Variants in ACTR6 observed in about 807,000 individuals in gnomAD.
ACTR6 encodes the protein actin-related protein 6.
Under a neutral mutation model 52.5 loss-of-function variants are expected in ACTR6, and 50 were observed. The observed-to-expected ratio is 0.95, with a 90% confidence interval of 0.76 to 1.20. ACTR6 has a LOEUF of 1.20. ACTR6 is among the 50% of genes most tolerant of loss of function. The pLI, the probability that ACTR6 is intolerant of heterozygous loss-of-function variation, is 0.00. For missense variants in ACTR6, 344 were observed against 472.4 expected (o/e 0.73, Z 2.52); for synonymous variants, 135 against 147.2 (o/e 0.92, Z 0.60).
chr12:100,205,580 A>T (rs1323360737), intron 2 of ACTR6, 96 bp from the exon 3 acceptor site: 1 of 725,460 alleles, frequency 1.4e-6, no homozygotes, highest in Non-Finnish European at 2.1e-6. Flanking sequence ...AGTGATTTGG[A>T]ATCTGATTTT....
At chr12:100,214,043 G>T (rs2096122118) in intron 8 of ACTR6, among the ~76,000 whole-genome samples, 1 of 152,152 alleles carries the variant, frequency 6.6e-6, no homozygotes. Context: ...ATCAAGTAGA[G>T]CTTATATAAA....
At chr12:100,217,812 G>A (rs1034838368) in intron 8 of ACTR6, among the ~76,000 whole-genome samples, 2 of 152,092 alleles carry the variant, frequency 1.3e-5, no homozygotes, top group African/African-American at 4.8e-5. Flanking sequence ...AATCCTAATA[G>A]AATAGAGCCA....
At chr12:100,205,798 A>G in intron 3 of ACTR6, 54 bp downstream of exon 3, 1 of 1,023,004 alleles carries the variant, frequency 9.8e-7, no homozygotes, top group South Asian at 2.1e-5. Context: ...ATTGTAATGA[A>G]AAATTAGAAT....
At chr12:100,209,206 G>A (rs935381117) in intron 4 of ACTR6, among the ~76,000 whole-genome samples, 4 of 152,202 alleles carry the variant, frequency 2.6e-5, no homozygotes, top group Non-Finnish European at 5.9e-5. Flanking sequence ...CAGAATTTAA[G>A]TCCATATAAG....
chr12:100,207,228 T>G lies in ACTR6; in HGVS notation c.256-435T>G, dbSNP rs562463819. Among the ~76,000 whole-genome samples, 4 of 151,926 alleles carry G rather than the reference T, an allele frequency of 2.6e-5. No individual in the cohort carries two copies. In the South Asian group the frequency reaches 8.3e-4, roughly 32 times the overall value. On this transcript the variant is annotated intron_variant, in intron 3 of 10. Coordinates refer to ENST00000188312, the MANE Select transcript of ACTR6 (RefSeq NM_022496.5). ...ACCGCCATGCCCTGTTAATTTTTATTTATTATTATTATTATTTTTTTAGTA... is the reference window on the plus strand; with the variant it reads ...ACCGCCATGCCCTGTTAATTTTTATGTATTATTATTATTATTTTTTTAGTA...
chr12:100,205,619 A>G (rs2096113864), intron 2 of ACTR6, 57 bp from the exon 3 acceptor site: 1 of 1,058,954 alleles, frequency 9.4e-7, no homozygotes, highest in Non-Finnish European at 1.3e-6. Flanking sequence ...TTATAATCTG[A>G]TTTTTAAAAA....
At chr12:100,208,726 G>GCAATTATTTGTCATT (rs1475588264) in intron 4 of ACTR6, 6 of 455,816 alleles carry the variant, frequency 1.3e-5, no homozygotes, top group Non-Finnish European at 2.6e-5. Flanking sequence ...TGTCATTTAT[G>GCAATTATTTGTCATT]TGTTTGCAAT....
Position 100,210,059 on chromosome 12 carries a change from C to T in ACTR6, c.380-14C>T. On this transcript the variant is annotated splice_polypyrimidine_tract_variant and intron_variant, in intron 4 of 10. Coordinates refer to ENST00000188312, the MANE Select transcript of ACTR6 (RefSeq NM_022496.5). Reference sequence around the variant, plus strand: ...GTTATATTTTTGTTCACTTTTTTATCTTTTTTTAAATAGCTGGGGCTCTCA... The same window carrying T: ...GTTATATTTTTGTTCACTTTTTTATTTTTTTTTAAATAGCTGGGGCTCTCA... The T allele has an allele frequency of 3.9e-6, 6 of 1,551,926 alleles. No homozygotes were observed. Among genetic ancestry groups the T allele is most frequent in the Non-Finnish European group, 5.2e-6 (6 of 1,157,188 alleles).
At position 100,205,666 on chromosome 12, in the gene ACTR6, CA is replaced by C; in HGVS notation, c.187-9del. 1 of 1,490,120 alleles carries C rather than the reference CA, an allele frequency of 6.7e-7. No individual in the cohort carries two copies. Among genetic ancestry groups the C allele is most frequent in the Non-Finnish European group, 8.9e-7 (1 of 1,117,716 alleles). The allele number at this position is 1,490,120 out of a possible 1,614,324, so 92.3% of individuals were successfully genotyped here. The stretch of plus-strand genomic sequence containing the variant: ...TTCTTGATAATTAAATTTATAAAAA[CA>C]TTTTTTAGGGCTACTTGGTGAATTG... On this transcript the variant is annotated splice_polypyrimidine_tract_variant and intron_variant, in intron 2 of 10. Transcript: ENST00000188312.
rs2096130385 is a variant in ACTR6, at chr12:100,224,047, C to A, written c.*132C>A. 2 of 1,062,998 alleles carry A rather than the reference C, an allele frequency of 1.9e-6. No individual in the cohort carries two copies. The highest frequency in any genetic ancestry group is 2.6e-6 in the Non-Finnish European group (2 of 772,862). 65.8% of individuals were successfully genotyped at this position (1,062,998 alleles called of 1,614,324 possible). A position where few individuals can be genotyped will look rare whatever the true frequency, so the allele number is the denominator to read the frequency against. On this transcript the variant is annotated 3_prime_UTR_variant, in exon 11 of 11. Transcript: ENST00000188312. ...TTTATGTAAATACTTTGATCGATTG[C>A]TAATTTTCAAAGGCTTCTTAGGTAG...
chr12:100,220,828 C>T (rs986279879), intron 10 of ACTR6, among the ~76,000 whole-genome samples: 3 of 151,950 alleles, frequency 2.0e-5, no homozygotes, highest in Non-Finnish European at 4.4e-5. Context: ...AGCCCCGTCT[C>T]TACAAAAAAT....
intron 10 of ACTR6, among the ~76,000 whole-genome samples, chr12:100,222,249 G>A (rs1381565324): frequency 6.8e-6 from 1 of 147,316 alleles, no homozygotes; most frequent in Non-Finnish European, 1.5e-5. Flanking sequence ...TACTGCGCCT[G>A]GCTTTGGGTT....
In ACTR6 at chr12:100,211,977, G is replaced by A. The variant is rs985117655; in HGVS notation, c.573-279G>A. ...CAAGATTCTATTCAGAATGGTTTGCGGGGGAATGTTTGATCTTTAGTTAGA... is the reference window on the plus strand; with the variant it reads ...CAAGATTCTATTCAGAATGGTTTGCAGGGGAATGTTTGATCTTTAGTTAGA... On this transcript the variant is annotated intron_variant, in intron 6 of 10. Coordinates refer to ENST00000188312, the MANE Select transcript of ACTR6 (RefSeq NM_022496.5). Among the ~76,000 whole-genome samples the A allele has an allele frequency of 7.9e-5, 12 of 152,068 alleles. No individual in the cohort carries two copies. In the East Asian group the frequency reaches 1.2e-3, roughly 15 times the overall value.
Position 100,223,996 on chromosome 12 carries a change from C to A in ACTR6, c.*81C>A, listed in dbSNP as rs1592852663. Reference sequence around the variant, plus strand: ...AAAAGAGGTTAAGGAACTGTGTTACCTTTTGTCCTAAGAAAAAGGCTTGAA... The same window carrying A: ...AAAAGAGGTTAAGGAACTGTGTTACATTTTGTCCTAAGAAAAAGGCTTGAA... On this transcript the variant is annotated 3_prime_UTR_variant, in exon 11 of 11. Coordinates refer to ENST00000188312, the MANE Select transcript of ACTR6 (RefSeq NM_022496.5). The A allele has an allele frequency of 6.8e-7, 1 of 1,462,412 alleles. No homozygotes were observed. The highest frequency in any genetic ancestry group is 9.1e-7 in the Non-Finnish European group (1 of 1,098,652). 90.6% of individuals were successfully genotyped at this position (1,462,412 alleles called of 1,614,324 possible).
chr12:100,220,480 T>C (rs992809468), intron 10 of ACTR6, among the ~76,000 whole-genome samples: 4 of 151,880 alleles, frequency 2.6e-5, no homozygotes, highest in Non-Finnish European at 1.5e-5. Flanking sequence ...TTATCTGAGA[T>C]GTATTATTTA....
intron 1 of ACTR6, among the ~76,000 whole-genome samples, chr12:100,202,573 C>G (rs572021896): frequency 2.6e-5 from 4 of 152,188 alleles, no homozygotes; most frequent in African/African-American, 9.6e-5. Context: ...AATAATGGCT[C>G]TAGTTTGTCT....
intron 8 of ACTR6, among the ~76,000 whole-genome samples, chr12:100,215,858 T>G (rs1253857794): frequency 6.6e-6 from 1 of 152,200 alleles, no homozygotes; most frequent in Non-Finnish European, 1.5e-5. Context: ...TTCCTAGGGT[T>G]TTGTTAACAC....
At position 100,223,820 on chromosome 12, in the gene ACTR6, A is replaced by G. The variant is rs770757189; in HGVS notation, c.1096A>G (p.Ile366Val). 5 of 1,610,712 alleles carry G rather than the reference A, an allele frequency of 3.1e-6. No homozygotes were observed. The highest frequency in any genetic ancestry group is 2.2e-5 in the East Asian group (1 of 44,568). ...ITYAWEGGKL[I>V]SENDDFEDMV... ...TTATGCCTGGGAAGGTGGAAAATTG[A>G]TATCAGAGAATGATGATTTTGAAGA... is the stretch of plus-strand genomic sequence containing the variant. Residue 366 changes from isoleucine (I) to valine (V), a missense_variant, in exon 11 of 11, where the codon ATA (isoleucine) becomes GTA (valine). Coordinates refer to ENST00000188312, the MANE Select transcript of ACTR6 (RefSeq NM_022496.5).
intron 6 of ACTR6, 49 bp downstream of exon 6, chr12:100,210,400 C>G: frequency 6.5e-7 from 1 of 1,545,094 alleles, no homozygotes; most frequent in Non-Finnish European, 8.9e-7. Context: ...TGGGGAGGAA[C>G]CTTTTACAGT....
Sources: gnomAD v4.1 joint callset for allele counts (sites outside exome capture counted in the v4.1 genomes callset) on GRCh38, gnomAD v4.1.1 for gene constraint, MANE v1.5 for transcripts, NCBI Gene and HGNC (gene_info 2026-07-23, HGNC 2026-07-21) for gene names.